The following COL16A1 variants were observed in gnomAD, a reference collection of about 807,000 sequenced individuals.
COL16A1 encodes collagen type XVI alpha 1 chain.
Under a neutral mutation model 266.3 loss-of-function variants are expected in COL16A1, and 189 were observed. That is an observed-to-expected ratio of 0.71 (90% CI 0.63 to 0.80). COL16A1 has a LOEUF of 0.80. COL16A1 is among the 30% of genes least tolerant of loss of function. The pLI, the probability that COL16A1 is intolerant of heterozygous loss-of-function variation, is 0.00. For missense variants in COL16A1, 1,928 were observed against 2,122.4 expected, an observed-to-expected ratio of 0.91 and a Z score of 1.80; for synonymous variants, 740 against 782.3, an observed-to-expected ratio of 0.95 and a Z score of 0.90.
chr1:31,660,455 C>G (rs1641549595), intron 62 of COL16A1, 130 bp downstream of exon 62: 1 of 1,185,256 alleles, frequency 8.4e-7, no homozygotes, highest in East Asian at 2.5e-5. Context: ...GAAGGAGTGG[C>G]CCCCGTGCTC....
chr1:31,672,829 C>T lies in COL16A1; in HGVS notation c.2871G>A (p.Gly957=), dbSNP rs769680281. The change falls in exon 45 of 71, where the codon GGG becomes GGA. Residue 957 remains glycine, a synonymous_variant. Coordinates refer to ENST00000373672, the MANE Select transcript of COL16A1 (RefSeq NM_001856.4). Reference sequence around the variant, plus strand: ...GGGCCCTCTGCCCCTGGACACAGTCCCCGCAGATACTCTGATCAGGGAGTG... The same window carrying T: ...GGGCCCTCTGCCCCTGGACACAGTCTCCGCAGATACTCTGATCAGGGAGTG... The part of the protein sequence containing the change: ...IEQHLLKSIC[G]DCVQGQRAHP... 70 of 1,613,788 alleles carry T rather than the reference C, an allele frequency of 4.3e-5. No homozygotes were observed. Among genetic ancestry groups the T allele is most frequent in the Non-Finnish European group, 5.5e-5 (65 of 1,179,906 alleles).
chr1:31,692,055 C>CG lies in COL16A1; in HGVS notation c.1206dup (p.Glu403ArgfsTer41). The CG allele has an allele frequency of 6.2e-7, 1 of 1,613,788 alleles. No homozygotes were observed. The highest frequency in any genetic ancestry group is 8.5e-7 in the Non-Finnish European group (1 of 1,180,002). On this transcript the variant is annotated frameshift_variant, in exon 17 of 71. Coordinates refer to ENST00000373672, the MANE Select transcript of COL16A1 (RefSeq NM_001856.4). LOFTEE classifies it high-confidence loss of function. ...CCCTTGATGCCTCCGTCGCCCTTCT[C>CG]GCCTTTCTGGCCCTGGGGAAGGAAG...
In COL16A1 at chr1:31,689,824, G is replaced by A; in HGVS notation, c.1537C>T (p.Leu513=). 1 of 1,614,106 alleles carries A rather than the reference G, an allele frequency of 6.2e-7. No individual in the cohort carries two copies. The change falls in exon 23 of 71, where the codon CTG becomes TTG. Residue 513 remains leucine, a synonymous_variant. Coordinates refer to ENST00000373672, the MANE Select transcript of COL16A1 (RefSeq NM_001856.4). ...ACAAAGTTCTGGAACCCTTCAGGCA[G>A]TGTTGGGCACACTTCACAGGGGTCA... ...KGDPCEVCPT[L]PEGFQNFVGL...
At position 31,682,969 on chromosome 1, in the gene COL16A1, C is replaced by CGGGT. The variant is rs1643751598; in HGVS notation, c.2502_2503insACCC (p.Val835ThrfsTer16). 6.2e-7 allele frequency: 1 copy of CGGGT among 1,613,896 alleles called. No individual in the cohort carries two copies. The highest frequency in any genetic ancestry group is 1.6e-4 in the Middle Eastern group (1 of 6,084). On this transcript the variant is annotated frameshift_variant, in exon 37 of 71. Coordinates refer to ENST00000373672, the MANE Select transcript of COL16A1 (RefSeq NM_001856.4). LOFTEE classifies it high-confidence loss of function. The stretch of plus-strand genomic sequence containing the variant: ...GAGACACTGGCCCCAGGAGGTCCCA[C>CGGGT]AGGTCCGGTGGCTCCTTTCACCCCT...
At position 31,689,812 on chromosome 1, in the gene COL16A1, A is replaced by G. The variant is rs1644173515; in HGVS notation, c.1549T>C (p.Phe517Leu). The G allele has an allele frequency of 6.2e-7, 1 of 1,614,036 alleles. No homozygotes were observed. The highest frequency in any genetic ancestry group is 2.2e-5 in the East Asian group (1 of 44,872). ...CEVCPTLPEG[F>L]QNFVGLPGKP... ...CCAGGAAGTCCAACAAAGTTCTGGA[A>G]CCCTTCAGGCAGTGTTGGGCACACT... Residue 517 changes from phenylalanine (F) to leucine (L), a missense_variant, in exon 23 of 71, where the codon TTC becomes CTC. Phe to Leu is a conservative substitution (Grantham distance 22). Around this residue, in one of 2 missense-constraint regions of COL16A1, gnomAD observed 1,552 missense variants for 1,637.2 expected, o/e 0.95. Coordinates refer to ENST00000373672, the MANE Select transcript of COL16A1 (RefSeq NM_001856.4).
At position 31,692,043 on chromosome 1, in the gene COL16A1, C is replaced by G; in HGVS notation, c.1219G>C (p.Gly407Arg). The G allele has an allele frequency of 6.2e-7, 1 of 1,613,870 alleles. No homozygotes were observed. The highest frequency in any genetic ancestry group is 8.5e-7 in the Non-Finnish European group (1 of 1,180,012). The change falls in exon 17 of 71, where the codon GGA (glycine) becomes CGA (arginine). Residue 407 changes from glycine (G) to arginine (R), a missense_variant. Gly to Arg is a moderately radical substitution (Grantham distance 125). Coordinates refer to ENST00000373672, the MANE Select transcript of COL16A1 (RefSeq NM_001856.4). ...TTTCCCGGCACGCCCTTGATGCCTC[C>G]GTCGCCCTTCTCGCCTTTCTGGCCC... ...EKGQKGEKGD[G>R]GIKGVPGKPG...
At chr1:31,682,566 G>T (rs1182388175) in intron 37 of COL16A1, among the ~76,000 whole-genome samples, 1 of 152,138 alleles carries the variant, frequency 6.6e-6, no homozygotes, top group Admixed American at 6.5e-5. Context: ...ATGGGCTTTG[G>T]TTTGAGTCAG....
Position 31,652,843 on chromosome 1 carries a change from A to G in COL16A1, c.4623T>C (p.Gly1541=). 1 of 1,525,346 alleles carries G rather than the reference A, an allele frequency of 6.6e-7. No homozygotes were observed. The highest frequency in any genetic ancestry group is 8.8e-7 in the Non-Finnish European group (1 of 1,139,944). 94.5% of individuals were successfully genotyped at this position (1,525,346 alleles called of 1,614,324 possible). Residue 1541 remains glycine (G), a synonymous_variant, in exon 71 of 71, where the codon GGT becomes GGC. Transcript: ENST00000373672. The surrounding 1 kb of genome is among the most constrained non-coding windows in gnomAD (Gnocchi z 4.8). ...NGLPGPPGPQ[G]PPGYGKMGAT... ...CACCCATCTTGCCATAGCCTGGAGG[A>G]CCTTGAGGACCTAGGGAGGGAAGGG... is the stretch of plus-strand genomic sequence containing the variant.
At chr1:31,696,788 G>C (rs889647986) in intron 8 of COL16A1, among the ~76,000 whole-genome samples, 175 bp downstream of exon 8, 3 of 152,230 alleles carry the variant, frequency 2.0e-5, no homozygotes, top group African/African-American at 7.2e-5. Context: ...CCAGTGGGCT[G>C]TCTCTGCCTC....
rs531112461 is a variant in COL16A1, at chr1:31,689,184, C to T, written c.1621-99G>A. The T allele has an allele frequency of 3.0e-5, 47 of 1,577,738 alleles. No homozygotes were observed. In the East Asian group the frequency reaches 7.5e-4, roughly 25 times the overall value. On this transcript the variant is annotated intron_variant, in intron 23 of 70. Coordinates refer to ENST00000373672, the MANE Select transcript of COL16A1 (RefSeq NM_001856.4). ...GGACAGCAATGTCACACACGCAAAC[C>T]GTCCAAACACCTAGGGGTCCCATGG...
rs756848012 is a variant in COL16A1, at chr1:31,661,165, C to T, written c.3772-46G>A. On this transcript the variant is annotated intron_variant, in intron 60 of 70. Coordinates refer to ENST00000373672, the MANE Select transcript of COL16A1 (RefSeq NM_001856.4). ...TGGAGCTTACCAGACCTTCACTTGA[C>T]ATCCCTACCCCAAGTCAACCTCACA... 7 of 1,547,988 alleles carry T rather than the reference C, an allele frequency of 4.5e-6. No individual in the cohort carries two copies. The South Asian group carries it at 8.3e-5, about 18-fold the overall frequency.
At chr1:31,691,297 C>T in intron 19 of COL16A1, 71 bp from the exon 20 acceptor site, 1 of 1,600,008 alleles carries the variant, frequency 6.2e-7, no homozygotes, top group Non-Finnish European at 8.5e-7. Context: ...TCTACCCTCA[C>T]CCTCTCCTCC....
intron 34 of COL16A1, 42 bp from the exon 35 acceptor site, chr1:31,683,411 C>G: frequency 1.2e-6 from 2 of 1,612,622 alleles, no homozygotes; most frequent in Non-Finnish European, 8.5e-7. Flanking sequence ...GCAGCCACAG[C>G]CAACCTGCCC....
intron 12 of COL16A1, among the ~76,000 whole-genome samples, chr1:31,693,550 G>T (rs1281944430): frequency 6.6e-6 from 1 of 152,170 alleles, no homozygotes; most frequent in Non-Finnish European, 1.5e-5. Context: ...GTACTTGCTA[G>T]CATGTCACTC....
chr1:31,684,544 G>A lies in COL16A1; in HGVS notation c.2139C>T (p.Pro713=), dbSNP rs776721927. The A allele has an allele frequency of 3.9e-5, 63 of 1,613,164 alleles. No individual in the cohort carries two copies. The Admixed American group carries it at 7.2e-4, about 18-fold the overall frequency. The change falls in exon 31 of 71, where the codon CCC becomes CCT. Residue 713 remains proline, a synonymous_variant. Coordinates refer to ENST00000373672, the MANE Select transcript of COL16A1 (RefSeq NM_001856.4). ...TAACCTTTTCTCCTTTTGGCCCCGCGGGGCCCTGAACTCCAGGCTCTCCTG... is the reference window on the plus strand; with the variant it reads ...TAACCTTTTCTCCTTTTGGCCCCGCAGGGCCCTGAACTCCAGGCTCTCCTG... The part of the protein sequence containing the change: ...GLSGEPGVQG[P]AGPKGEKGDG...
chr1:31,678,037 G>A (rs150794498), intron 42 of COL16A1, among the ~76,000 whole-genome samples: 106 of 152,222 alleles, frequency 7.0e-4, no homozygotes, highest in African/African-American at 2.4e-3. Context: ...CCAGACACTC[G>A]GCAAATGTGT....
At position 31,652,484 on chromosome 1, in the gene COL16A1, G is replaced by C. The variant is rs1640710547; in HGVS notation, c.*167C>G. 1.2e-6 allele frequency: 1 copy of C among 805,102 alleles called. No homozygotes were observed. 49.9% of individuals were successfully genotyped at this position (805,102 alleles called of 1,614,324 possible). ...GCTGCAGCACCAGAGGAACCCACTGGAAGGGAAAGGGCAGATAGTTTTGTT... is the reference window on the plus strand; with the variant it reads ...GCTGCAGCACCAGAGGAACCCACTGCAAGGGAAAGGGCAGATAGTTTTGTT... On this transcript the variant is annotated 3_prime_UTR_variant, in exon 71 of 71. Transcript: ENST00000373672. The surrounding 1 kb of genome is among the most constrained non-coding windows in gnomAD (Gnocchi z 4.8).
chr1:31,690,370 C>A lies in COL16A1; in HGVS notation c.1506G>T (p.Glu502Asp), dbSNP rs1328648417. 6.2e-7 allele frequency: 1 copy of A among 1,613,916 alleles called. No individual in the cohort carries two copies. Among genetic ancestry groups the A allele is most frequent in the African/African-American group, 1.3e-5 (1 of 74,940 alleles). ...GKPGKPGVKG[E>D]KGDPCEVCPT... ...GGCAGCCAGGCCTAGGACTCACCTT[C>A]TCTCCCTTCACACCTGGCTTCCCCT... Residue 502 changes from glutamate to aspartate, a missense_variant, in exon 22 of 71, where the codon GAG (glutamate) becomes GAT (aspartate). Glu to Asp is a conservative substitution (Grantham distance 45). Coordinates refer to ENST00000373672, the MANE Select transcript of COL16A1 (RefSeq NM_001856.4).
Position 31,688,910 on chromosome 1 carries a change from C to A in COL16A1, c.1718G>T (p.Gly573Val). 1.2e-6 allele frequency: 2 copies of A among 1,614,136 alleles called. No homozygotes were observed. Among genetic ancestry groups the A allele is most frequent in the Non-Finnish European group, 1.7e-6 (2 of 1,180,000 alleles). ...AGGGGAACCCACATCTCCACTGGCC[C>A]CTGTGGAGGACACAAGATGCTGGGC... The part of the protein sequence containing the change: ...VGAQHLVSST[G>V]ASGDVGSPGF... The change falls in exon 25 of 71, where the codon GGG becomes GTG. Residue 573 changes from glycine (G) to valine (V), a missense_variant. Gly to Val is a moderately radical substitution (Grantham distance 109). Transcript: ENST00000373672. The surrounding 1 kb of genome is among the most constrained non-coding windows in gnomAD (Gnocchi z 4.9).
Sources: allele counts gnomAD v4.1 joint callset (sites outside exome capture counted in the v4.1 genomes callset), GRCh38; gene constraint gnomAD v4.1.1; regional missense constraint gnomAD v4.1.1; non-coding constraint Gnocchi (gnomAD v3.1); transcripts MANE v1.5; gene names NCBI Gene and HGNC (gene_info 2026-07-23, HGNC 2026-07-21).